FLYWCH1: variants seen among roughly 807,000 people sequenced by gnomAD.
FLYWCH1 encodes the protein FLYWCH-type zinc finger 1.
Under a neutral mutation model 66.4 loss-of-function variants are expected in FLYWCH1, and 75 were observed. The ratio of observed to expected loss-of-function variants is 1.13; its 90% CI spans 0.94 to 1.37. The LOEUF (loss-of-function observed/expected upper bound fraction) is 1.37. Ranked by LOEUF, FLYWCH1 falls within the 40% of genes most tolerant of loss-of-function variation. The pLI, the probability that FLYWCH1 is intolerant of heterozygous loss-of-function variation, is 0.00. For synonymous variants in FLYWCH1, 595 were observed against 429.9 expected (o/e 1.38, Z -4.75); for missense variants, 1,334 against 1,001.8 (o/e 1.33, Z -4.48).
In FLYWCH1 at chr16:2,930,889, A is replaced by G; in HGVS notation, c.796+9A>G. ...CTCGATCCTGGGGCTGGGTGAGTACAATCCACTCCCCTGCTGCGTCCACTC... is the reference window on the plus strand; with the variant it reads ...CTCGATCCTGGGGCTGGGTGAGTACGATCCACTCCCCTGCTGCGTCCACTC... On this transcript the variant is annotated intron_variant, in intron 4 of 9. Coordinates refer to ENST00000253928, the MANE Select transcript of FLYWCH1 (RefSeq NM_001308068.2). The G allele has an allele frequency of 6.3e-7, 1 of 1,576,574 alleles. No homozygotes were observed. The highest frequency in any genetic ancestry group is 8.6e-7 in the Non-Finnish European group (1 of 1,166,802).
intron 6 of FLYWCH1, chr16:2,936,663 T>C (rs1042388649): frequency 4.3e-6 from 2 of 460,118 alleles, no homozygotes; most frequent in East Asian, 1.4e-4. Flanking sequence ...GCTCCCTGCC[T>C]CTTCCTCAGA....
intron 2 of FLYWCH1, 85 bp downstream of exon 2, chr16:2,914,374 A>G (rs1362918266): frequency 1.3e-5 from 2 of 152,242 alleles, no homozygotes. Flanking sequence ...TTGGTGTCTG[A>G]GAGACACCTG....
chr16:2,935,261 C>G (rs569028390), intron 6 of FLYWCH1: 2 of 152,624 alleles, frequency 1.3e-5, no homozygotes, highest in African/African-American at 4.8e-5. Context: ...CTGCTCGCGG[C>G]TGACTGGGGG....
chr16:2,939,888 G>A (rs2071188501), intron 8 of FLYWCH1, 144 bp from the exon 9 acceptor site: 2 of 848,852 alleles, frequency 2.4e-6, no homozygotes, highest in Admixed American at 3.0e-5. Flanking sequence ...GGTAATTGAT[G>A]CGTTGAATTC....
Position 2,940,082 on chromosome 16 carries a change from C to A in FLYWCH1, c.2101C>A (p.Gln701Lys). 1.5e-6 allele frequency: 2 copies of A among 1,357,210 alleles called. No homozygotes were observed. Among genetic ancestry groups the A allele is most frequent in the Non-Finnish European group, 2.1e-6 (2 of 946,840 alleles). The allele number at this position is 1,357,210 out of a possible 1,614,324, so 84.1% of individuals were successfully genotyped here. A position where few individuals can be genotyped will look rare whatever the true frequency, so the allele number is the denominator to read the frequency against. The change falls in exon 9 of 10, where the codon CAG becomes AAG. Residue 701 changes from glutamine (Q) to lysine (K), a missense_variant. Gln to Lys is a moderately conservative substitution (Grantham distance 53, BLOSUM62 1). Transcript: ENST00000253928. The stretch of plus-strand genomic sequence containing the variant: ...CAAGACGTGTTCTCCTGAAAGCCAG[C>A]AGATTTATGGGTAATTGTATTTGTT... Reference protein sequence around the residue: ...CFKTCSPESQQIYGDIKDVRL... With the variant: ...CFKTCSPESQKIYGDIKDVRL...
intron 2 of FLYWCH1, among the ~76,000 whole-genome samples, chr16:2,925,066 C>A (rs999321317): frequency 6.6e-6 from 1 of 152,222 alleles, no homozygotes; most frequent in Non-Finnish European, 1.5e-5. Context: ...ACTCCCATGG[C>A]GCAGCTGTGT....
At chr16:2,938,159 C>A in intron 7 of FLYWCH1, 25 bp from the exon 8 acceptor site, 1 of 1,606,072 alleles carries the variant, frequency 6.2e-7, no homozygotes. Context: ...TGTGGCCCCA[C>A]TCACAGTGTC....
At chr16:2,931,181 T>A (rs2070748954) in intron 4 of FLYWCH1, among the ~76,000 whole-genome samples, 1 of 151,534 alleles carries the variant, frequency 6.6e-6, no homozygotes. Context: ...TGCGCACCTG[T>A]AATCCCAGCT....
At chr16:2,926,832 C>T (rs2070584086) in intron 2 of FLYWCH1, among the ~76,000 whole-genome samples, 1 of 152,204 alleles carries the variant, frequency 6.6e-6, no homozygotes, top group Non-Finnish European at 1.5e-5. Context: ...GTGGGGCCAT[C>T]AGAGTCTAAA....
intron 2 of FLYWCH1, among the ~76,000 whole-genome samples, chr16:2,914,970 C>T (rs1291825181): frequency 6.9e-6 from 1 of 145,698 alleles, no homozygotes; most frequent in Non-Finnish European, 1.5e-5. Flanking sequence ...AAAAGAAACA[C>T]ATTAGGGCCC....
rs999612896 is a variant in FLYWCH1, at chr16:2,911,944, T to G, written c.-398T>G. 4.6e-5 allele frequency: 7 copies of G among 152,058 alleles called. No homozygotes were observed. Among genetic ancestry groups the G allele is most frequent in the Non-Finnish European group, 1.0e-4 (7 of 67,998 alleles). The allele number at this position is 152,058 out of a possible 1,614,324, so 9.4% of individuals were successfully genotyped here. ...TGCGCATGCTCTGAAGTAGCGCGCC[T>G]GAGCGTTCCGCAAGGCCGGCTCCCC... On this transcript the variant is annotated 5_prime_UTR_variant, in exon 1 of 10. Transcript: ENST00000253928.
At chr16:2,933,000 C>G in intron 4 of FLYWCH1, 130 bp from the exon 5 acceptor site, 2 of 803,258 alleles carry the variant, frequency 2.5e-6, no homozygotes, top group Non-Finnish European at 3.8e-6. Context: ...ACATATCTGG[C>G]TCAGGAAGCC....
intron 2 of FLYWCH1, chr16:2,922,521 A>C (rs1453424841): frequency 6.9e-5 from 16 of 231,178 alleles, no homozygotes; most frequent in Non-Finnish European, 1.3e-4. Flanking sequence ...TGTCCCCATA[A>C]GTTTGACTGC....
intron 7 of FLYWCH1, among the ~76,000 whole-genome samples, chr16:2,937,856 G>A (rs1335976885): frequency 6.6e-6 from 1 of 151,836 alleles, no homozygotes; most frequent in African/African-American, 2.4e-5. Flanking sequence ...GGAGGCCCTG[G>A]TGCCCAGCCC....
At chr16:2,934,742 CAG>C (rs2070926736) in intron 6 of FLYWCH1, 1 of 449,836 alleles carries the variant, frequency 2.2e-6, no homozygotes, top group African/African-American at 2.0e-5. Context: ...GTTCCATCTC[CAG>C]AGAGACAGTG....
intron 9 of FLYWCH1, among the ~76,000 whole-genome samples, chr16:2,945,811 C>T (rs566552801): frequency 3.9e-5 from 6 of 151,986 alleles, no homozygotes; most frequent in Non-Finnish European, 7.4e-5. Context: ...TCCTGGCTAA[C>T]ATGGTGAAAT....
rs2071603346 is a variant in FLYWCH1 at position 2,949,167 on chromosome 16, T to A, written c.*440T>A. 2 of 188,382 alleles carry A rather than the reference T, an allele frequency of 1.1e-5. No individual in the cohort carries two copies. The highest frequency in any genetic ancestry group is 2.0e-4 in the South Asian group (2 of 9,762). 11.7% of individuals were successfully genotyped at this position (188,382 alleles called of 1,614,324 possible). A position where few individuals can be genotyped will look rare whatever the true frequency, so the allele number is the denominator to read the frequency against. On this transcript the variant is annotated 3_prime_UTR_variant, in exon 10 of 10. Transcript: ENST00000253928. ...GCCTGGGCACGTTTGGGGAAGTTCC[T>A]GCTTCAAACTGAGCTGCCCCGCATA...
At chr16:2,934,189 C>A (rs1021716975) in intron 6 of FLYWCH1, among the ~76,000 whole-genome samples, 2 of 152,174 alleles carry the variant, frequency 1.3e-5, no homozygotes, top group Non-Finnish European at 2.9e-5. Flanking sequence ...CCAGCCTCCC[C>A]CTTCCAGCCT....
chr16:2,941,445 C>A (rs1242605185), intron 9 of FLYWCH1, among the ~76,000 whole-genome samples: 1 of 152,142 alleles, frequency 6.6e-6, no homozygotes, highest in African/African-American at 2.4e-5. Flanking sequence ...GGTGAGACCT[C>A]GTCTCTGCCA....
Sources: allele counts gnomAD v4.1 joint callset (sites outside exome capture counted in the v4.1 genomes callset), GRCh38; gene constraint gnomAD v4.1.1; transcripts MANE v1.5; gene names NCBI Gene and HGNC (gene_info 2026-07-23, HGNC 2026-07-21).